Variants in ASIC2 observed in about 807,000 individuals in gnomAD.
The protein encoded by ASIC2 is acid sensing ion channel subunit 2, also known as acid-sensing ion channel 2.
ASIC2 carries 25 observed loss-of-function variants against 57.3 expected under a neutral mutation model. The ratio of observed to expected loss-of-function variants is 0.44; its 90% CI spans 0.32 to 0.61. ASIC2 has a LOEUF of 0.61. Among genes scored for constraint, ASIC2 ranks in the 20% least tolerant of loss-of-function variants. ASIC2 has a pLI of 0.06. For missense variants in ASIC2, 641 were observed against 738.1 expected (o/e 0.87, Z 1.52); for synonymous variants, 319 against 307.5 (o/e 1.04, Z -0.39).
chr17:33,841,924 C>A (rs1018314149), intron 1 of ASIC2, among the ~76,000 whole-genome samples: 3 of 152,148 alleles, frequency 2.0e-5, no homozygotes, highest in African/African-American at 7.2e-5. Context: ...GACAGAAGAG[C>A]CGCCTTATAT....
intron 1 of ASIC2, among the ~76,000 whole-genome samples, chr17:33,235,415 G>C (rs187067001): frequency 6.6e-6 from 1 of 152,204 alleles, no homozygotes; most frequent in South Asian, 2.1e-4. Context: ...TCATGCATGG[G>C]CTGGGAATTG....
chr17:33,899,663 C>T (rs1001754211), intron 1 of ASIC2, among the ~76,000 whole-genome samples: 3 of 152,070 alleles, frequency 2.0e-5, no homozygotes, highest in African/African-American at 7.2e-5. Context: ...CTTGGAGACC[C>T]GGTATGAGAT....
At chr17:33,873,855 G>C (rs1004267538) in intron 1 of ASIC2, among the ~76,000 whole-genome samples, 2 of 152,172 alleles carry the variant, frequency 1.3e-5, no homozygotes, top group Non-Finnish European at 2.9e-5. Context: ...CTTTGTGAGA[G>C]AATAGTCTAT....
chr17:33,669,238 G>T (rs1039057428), intron 1 of ASIC2, among the ~76,000 whole-genome samples: 3 of 152,126 alleles, frequency 2.0e-5, no homozygotes, highest in Non-Finnish European at 2.9e-5. Flanking sequence ...ATCTACCCCA[G>T]GCACCACACA....
At chr17:33,256,955 T>C (rs1909103275) in intron 1 of ASIC2, among the ~76,000 whole-genome samples, 1 of 152,184 alleles carries the variant, frequency 6.6e-6, no homozygotes, top group African/African-American at 2.4e-5. Flanking sequence ...TTAAGCCTCC[T>C]GAGGAGTCAT....
chr17:33,450,048 G>A (rs1398264774), intron 1 of ASIC2, among the ~76,000 whole-genome samples: 5 of 152,074 alleles, frequency 3.3e-5, no homozygotes, highest in Non-Finnish European at 4.4e-5. Flanking sequence ...GATTACAGGC[G>A]TGATCCCACC....
Position 33,115,582 on chromosome 17 carries a change from C to T in ASIC2, c.709-3515G>A, listed in dbSNP as rs543331304. 3.9e-5 allele frequency among the ~76,000 whole-genome samples: 6 copies of T among 152,304 alleles called. No homozygotes were observed. The East Asian group carries it at 7.7e-4, about 20-fold the overall frequency. ...GTTCTCTGCCTAGAATGTTCTGGCGCGCTTTGCCTGGCCAGCTCCTCCTGA... is the reference window on the plus strand; with the variant it reads ...GTTCTCTGCCTAGAATGTTCTGGCGTGCTTTGCCTGGCCAGCTCCTCCTGA... On this transcript the variant is annotated intron_variant, in intron 1 of 9. Transcript: ENST00000225823.
At chr17:34,039,983 C>T (rs1158486420) in intron 1 of ASIC2, 36 of 899,460 alleles carry the variant, frequency 4.0e-5, no homozygotes, top group Non-Finnish European at 5.5e-5. Context: ...GGGGCGGAGC[C>T]GGGGCCTCTC....
intron 1 of ASIC2, among the ~76,000 whole-genome samples, chr17:33,804,818 A>G (rs1368829594): frequency 6.6e-6 from 1 of 152,148 alleles, no homozygotes; most frequent in Non-Finnish European, 1.5e-5. Flanking sequence ...CTGACAACAG[A>G]TTAAATAACA....
intron 1 of ASIC2, among the ~76,000 whole-genome samples, chr17:33,521,236 A>T (rs574482503): frequency 3.3e-5 from 5 of 152,142 alleles, no homozygotes; most frequent in Admixed American, 2.0e-4. Flanking sequence ...GCAGGGGCTC[A>T]ACACTGTCGT....
rs192436904 is a variant in ASIC2 at position 33,605,725 on chromosome 17, C to T, written c.556-493658G>A. Among the ~76,000 whole-genome samples the T allele has an allele frequency of 1.4e-4, 21 of 152,332 alleles. No individual in the cohort carries two copies. In the East Asian group the frequency reaches 1.5e-3, roughly 11 times the overall value. ...CTGGCCGAGACCAGACTATCAACAG[C>T]GCTAACCAAGGAGATTCTAGATCCC... On this transcript the variant is annotated intron_variant, in intron 1 of 9. Coordinates refer to the ASIC2 transcript ENST00000359872.
chr17:33,676,884 G>C (rs1354038762), intron 1 of ASIC2, among the ~76,000 whole-genome samples: 1 of 152,304 alleles, frequency 6.6e-6, no homozygotes, highest in South Asian at 2.1e-4. Flanking sequence ...CTGGGTCATG[G>C]AGGTGGATCC....
At chr17:33,770,341 G>A (rs536934800) in intron 1 of ASIC2, among the ~76,000 whole-genome samples, 1 of 152,236 alleles carries the variant, frequency 6.6e-6, no homozygotes, top group East Asian at 1.9e-4. Flanking sequence ...TAAAGCGAAA[G>A]CTGGCCTCAT....
intron 1 of ASIC2, among the ~76,000 whole-genome samples, chr17:33,244,099 T>C (rs1053466368): frequency 2.0e-5 from 3 of 152,232 alleles, no homozygotes; most frequent in East Asian, 3.8e-4. Flanking sequence ...ATTAAACTGA[T>C]AAGGTTTTCT....
At chr17:33,309,676 A>G (rs1906328019) in intron 1 of ASIC2, among the ~76,000 whole-genome samples, 1 of 152,014 alleles carries the variant, frequency 6.6e-6, no homozygotes, top group South Asian at 2.1e-4. Context: ...TACTGTCCAC[A>G]AAGCTGAAGT....
chr17:34,120,730 T>C (rs1911590977), intron 1 of ASIC2, among the ~76,000 whole-genome samples: 2 of 139,930 alleles, frequency 1.4e-5, no homozygotes, highest in Admixed American at 1.4e-4. Flanking sequence ...TTCTTTTTTT[T>C]TTTTTTTTCT....
At chr17:33,982,740 T>C (rs1433105269) in intron 1 of ASIC2, among the ~76,000 whole-genome samples, 3 of 152,212 alleles carry the variant, frequency 2.0e-5, no homozygotes, top group Non-Finnish European at 4.4e-5. Flanking sequence ...GGAGATTGTA[T>C]AGGAAAGTGA....
intron 1 of ASIC2, among the ~76,000 whole-genome samples, chr17:34,095,635 A>C (rs1274446635): frequency 3.1e-5 from 3 of 98,018 alleles, no homozygotes; most frequent in South Asian, 2.8e-4. Context: ...ATATAATTTT[A>C]TATATATATA....
At chr17:33,577,405 G>C (rs1916658654) in intron 1 of ASIC2, among the ~76,000 whole-genome samples, 1 of 152,164 alleles carries the variant, frequency 6.6e-6, no homozygotes, top group Non-Finnish European at 1.5e-5. Context: ...TGTAAAGGAA[G>C]AGGAGCGGCG....
Sources: allele counts gnomAD v4.1 joint callset (sites outside exome capture counted in the v4.1 genomes callset), GRCh38; gene constraint gnomAD v4.1.1; transcripts MANE v1.5; gene names NCBI Gene and HGNC (gene_info 2026-07-23, HGNC 2026-07-21).